GALNTL6: variants seen among roughly 807,000 people sequenced by gnomAD.
GALNTL6 encodes the protein polypeptide N-acetylgalactosaminyltransferase like 6.
In GALNTL6, 46 loss-of-function variants were observed where a neutral mutation model predicts 73.7. The ratio of observed to expected loss-of-function variants is 0.62; its 90% confidence interval spans 0.49 to 0.80. GALNTL6 has a LOEUF of 0.80. Ranked by LOEUF, GALNTL6 falls within the 30% of genes least tolerant of loss-of-function variation. GALNTL6 has a pLI of 0.00. For missense variants in GALNTL6, 604 were observed against 755.0 expected, an observed-to-expected ratio of 0.80 and a Z score of 2.34; for synonymous variants, 259 against 263.7, an observed-to-expected ratio of 0.98 and a Z score of 0.17.
intron 2 of GALNTL6, among the ~76,000 whole-genome samples, chr4:172,073,480 A>T (rs35602804): frequency 6.6e-6 from 1 of 152,116 alleles, no homozygotes; most frequent in Non-Finnish European, 1.5e-5. Flanking sequence ...GGAATATGGA[A>T]GAGTAGGGTG....
intron 8 of GALNTL6, among the ~76,000 whole-genome samples, chr4:172,888,151 G>GTTGA (rs1283049312): frequency 1.3e-5 from 2 of 152,170 alleles, no homozygotes; most frequent in African/African-American, 4.8e-5. Flanking sequence ...TGTGTACTCT[G>GTTGA]TTGATAGTTT....
chr4:172,958,985 C>A (rs1749902659), intron 10 of GALNTL6, among the ~76,000 whole-genome samples: 1 of 152,152 alleles, frequency 6.6e-6, no homozygotes, highest in South Asian at 2.1e-4. Context: ...ACCTGTAAGG[C>A]TTGTCTGGTT....
intron 2 of GALNTL6, among the ~76,000 whole-genome samples, chr4:172,180,410 G>T (rs1735202477): frequency 1.3e-5 from 2 of 151,890 alleles, no homozygotes; most frequent in African/African-American, 4.8e-5. Flanking sequence ...TGTTCATTCT[G>T]GTGATAGTTT....
At chr4:172,294,351 A>G (rs971140183) in intron 3 of GALNTL6, among the ~76,000 whole-genome samples, 2 of 152,058 alleles carry the variant, frequency 1.3e-5, no homozygotes. Context: ...TGTATTGCCC[A>G]TTTTCTTAGA....
At chr4:173,007,241 G>A (rs2126488718) in intron 10 of GALNTL6, among the ~76,000 whole-genome samples, 1 of 152,222 alleles carries the variant, frequency 6.6e-6, no homozygotes, top group East Asian at 1.9e-4. Context: ...GTATTCTTCT[G>A]TTGCAGAGAC....
intron 2 of GALNTL6, among the ~76,000 whole-genome samples, chr4:172,199,278 AT>A (rs201430028): frequency 0.01 from 1,573 of 152,246 alleles, 29 homozygotes; most frequent in African/African-American, 0.035. Flanking sequence ...TTTTTGTGGA[AT>A]TTTTTTAGTA....
chr4:172,012,859 A>C (rs1741062613), intron 2 of GALNTL6, among the ~76,000 whole-genome samples: 1 of 152,084 alleles, frequency 6.6e-6, no homozygotes, highest in Non-Finnish European at 1.5e-5. Flanking sequence ...GATAGTTTTG[A>C]CAGTTGCATT....
intron 8 of GALNTL6, among the ~76,000 whole-genome samples, chr4:172,904,298 T>C (rs539589410): frequency 6.6e-6 from 1 of 152,282 alleles, no homozygotes; most frequent in Non-Finnish European, 1.5e-5. Context: ...ACAGAAGAAA[T>C]AGAGAGCGAT....
At chr4:172,979,442 A>G (rs2126428160) in intron 10 of GALNTL6, among the ~76,000 whole-genome samples, 2 of 152,308 alleles carry the variant, frequency 1.3e-5, no homozygotes, top group East Asian at 3.9e-4. Context: ...GGAAAAATAA[A>G]TTGTTTTCAA....
At chr4:172,610,306 G>A (rs995152102) in intron 5 of GALNTL6, among the ~76,000 whole-genome samples, 1 of 151,896 alleles carries the variant, frequency 6.6e-6, no homozygotes, top group Admixed American at 6.6e-5. Flanking sequence ...GTTAAATTGG[G>A]ATCTTTCTAC....
At chr4:172,974,969 C>T (rs879709039) in intron 10 of GALNTL6, among the ~76,000 whole-genome samples, 2 of 152,240 alleles carry the variant, frequency 1.3e-5, no homozygotes, top group Non-Finnish European at 2.9e-5. Context: ...GGTGTCACAG[C>T]CCTGGCTTGG....
At chr4:171,839,971 A>T (rs1735197281) in intron 2 of GALNTL6, among the ~76,000 whole-genome samples, 1 of 152,090 alleles carries the variant, frequency 6.6e-6, no homozygotes, top group South Asian at 2.1e-4. Flanking sequence ...TAATTTATTT[A>T]AGTATTTTAG....
At chr4:172,066,780 C>A (rs1219469143) in intron 2 of GALNTL6, among the ~76,000 whole-genome samples, 14 of 152,142 alleles carry the variant, frequency 9.2e-5, no homozygotes, top group Admixed American at 2.6e-4. Context: ...AATGACCCTA[C>A]TAAACCTTGC....
chr4:172,499,151 T>A (rs1240124945), intron 5 of GALNTL6, among the ~76,000 whole-genome samples: 2 of 152,120 alleles, frequency 1.3e-5, no homozygotes, highest in Non-Finnish European at 2.9e-5. Flanking sequence ...GATTAAACGT[T>A]CCTATGGACT....
At chr4:172,173,136 T>G (rs1734886299) in intron 2 of GALNTL6, among the ~76,000 whole-genome samples, 1 of 152,218 alleles carries the variant, frequency 6.6e-6, no homozygotes, top group East Asian at 1.9e-4. Flanking sequence ...TATTACAATT[T>G]TAGTAAATTA....
At chr4:171,823,810 TAAAC>T (rs1734746564) in intron 2 of GALNTL6, among the ~76,000 whole-genome samples, 2 of 150,928 alleles carry the variant, frequency 1.3e-5, no homozygotes, top group Admixed American at 1.3e-4. Context: ...AACAAACAAA[TAAAC>T]AAGCAAGAGT....
chr4:172,119,160 G>A (rs1304124033), intron 2 of GALNTL6, among the ~76,000 whole-genome samples: 1 of 152,084 alleles, frequency 6.6e-6, no homozygotes, highest in Non-Finnish European at 1.5e-5. Context: ...AATTTGCAAT[G>A]CATTTATATA....
At chr4:172,009,875 C>T (rs1001660033) in intron 2 of GALNTL6, among the ~76,000 whole-genome samples, 1 of 152,082 alleles carries the variant, frequency 6.6e-6, no homozygotes, top group African/African-American at 2.4e-5. Context: ...GGCAACTTCA[C>T]AAACCAATGT....
intron 2 of GALNTL6, among the ~76,000 whole-genome samples, chr4:171,834,458 A>C (rs1301589923): frequency 6.6e-6 from 1 of 151,914 alleles, no homozygotes; most frequent in Non-Finnish European, 1.5e-5. Flanking sequence ...CTGGAACTTG[A>C]GATTGATTGG....
Sources: allele counts gnomAD v4.1 joint callset (sites outside exome capture counted in the v4.1 genomes callset), GRCh38; gene constraint gnomAD v4.1.1; transcripts MANE v1.5; gene names NCBI Gene and HGNC (gene_info 2026-07-23, HGNC 2026-07-21).